GRM4: variants seen among roughly 807,000 people sequenced by gnomAD.
GRM4 encodes metabotropic glutamate receptor 4.
Under a neutral mutation model 81.7 loss-of-function variants are expected in GRM4, and 28 were observed. The observed-to-expected ratio is 0.34, with a 90% CI of 0.25 to 0.47. The LOEUF (loss-of-function observed/expected upper bound fraction) is 0.47, where lower values mean the gene tolerates loss of function less well. Ranked by LOEUF, GRM4 falls within the 20% of genes least tolerant of loss-of-function variation. GRM4 has a pLI of 1.00. For missense variants in GRM4, 948 were observed against 1,290.0 expected (o/e 0.73, Z 4.06); for synonymous variants, 488 against 528.8 (o/e 0.92, Z 1.06).
In GRM4 at chr6:34,048,350, C is replaced by G. The variant is rs1581616223; in HGVS notation, c.1169-7602G>C. ...AGGAGAGTCACACCTGGCGCCTGCA[C>G]AGCCCCGTGCCCAAGAAGGATCAGC... On this transcript the variant is annotated intron_variant, in intron 6 of 10. Coordinates refer to ENST00000538487, the MANE Select transcript of GRM4 (RefSeq NM_000841.4). The surrounding 1 kb of genome is among the most constrained non-coding windows in gnomAD (Gnocchi z 4.0). 6.6e-6 allele frequency among the ~76,000 whole-genome samples: 1 copy of G among 152,090 alleles called. No homozygotes were observed. The highest frequency in any genetic ancestry group is 6.5e-5 in the Admixed American group (1 of 15,268).
intron 3 of GRM4, among the ~76,000 whole-genome samples, chr6:34,071,833 CCA>C (rs1392639205): frequency 4.5e-5 from 5 of 111,954 alleles, no homozygotes; most frequent in Admixed American, 9.4e-5. Flanking sequence ...ACAGACAGCA[CCA>C]CACAGATACA....
rs1763955703 is a variant in GRM4, at chr6:34,022,883, A to G, written c.2690-13T>C. ...TTGGTGGCCAGCGCTGGAAGGAGAG[A>G]GACCAGGGGTACCCAGGAGTCAGGG... On this transcript the variant is annotated splice_polypyrimidine_tract_variant and intron_variant, in intron 10 of 10. Transcript: ENST00000538487. This position sits in a 1 kb window ranked among gnomAD's most constrained non-coding sequence, Gnocchi z 5.6. The G allele has an allele frequency of 1.2e-6, 2 of 1,611,878 alleles. No individual in the cohort carries two copies. Among genetic ancestry groups the G allele is most frequent in the African/African-American group, 1.3e-5 (1 of 74,872 alleles).
At chr6:34,148,353 C>T (rs2127520800), upstream of GRM4, among the ~76,000 whole-genome samples, 1 of 151,936 alleles carries the variant, frequency 6.6e-6, no homozygotes, top group South Asian at 2.1e-4. Flanking sequence ...GCCATGGAGA[C>T]AGACTCAGAG....
chr6:34,108,808 A>G (rs1230677438), intron 2 of GRM4, among the ~76,000 whole-genome samples: 1 of 151,978 alleles, frequency 6.6e-6, no homozygotes, highest in African/African-American at 2.4e-5. Context: ...CTGCCCACCG[A>G]GGTCCCCTGC....
intron 2 of GRM4, among the ~76,000 whole-genome samples, chr6:34,112,794 C>T (rs375413676): frequency 2.7e-4 from 41 of 152,268 alleles, no homozygotes; most frequent in Admixed American, 4.6e-4. Context: ...ACCAAGAATG[C>T]GAGTGGCACA....
At position 34,090,433 on chromosome 6, in the gene GRM4, A is replaced by G. The variant is rs1404268531; in HGVS notation, c.736+1450T>C. On this transcript the variant is annotated intron_variant, in intron 3 of 10. Transcript: ENST00000538487. This position sits in a 1 kb window ranked among gnomAD's most constrained non-coding sequence, Gnocchi z 5.2. Reference sequence around the variant, plus strand: ...GTCTTGGGTCTGAGCAAAGGAGGAAAGGACATGTGGGTGGCCCAAGGGAGG... The same window carrying G: ...GTCTTGGGTCTGAGCAAAGGAGGAAGGGACATGTGGGTGGCCCAAGGGAGG... Among the ~76,000 whole-genome samples, 3 of 152,106 alleles carry G rather than the reference A, an allele frequency of 2.0e-5. No homozygotes were observed. Among genetic ancestry groups the G allele is most frequent in the Non-Finnish European group, 1.5e-5 (1 of 67,996 alleles).
Position 34,114,816 on chromosome 6 carries a change from C to T in GRM4, c.519+18162G>A, listed in dbSNP as rs1769523785. Among the ~76,000 whole-genome samples the T allele has an allele frequency of 6.6e-6, 1 of 152,186 alleles. No homozygotes were observed. On this transcript the variant is annotated intron_variant, in intron 2 of 10. Coordinates refer to ENST00000538487, the MANE Select transcript of GRM4 (RefSeq NM_000841.4). The surrounding 1 kb of genome is among the most constrained non-coding windows in gnomAD (Gnocchi z 4.3). ...GAGCTGTGGCAAATCACATGCCCAT[C>T]ACACCTCCCCATCCAGGAAGGACCC... is the stretch of plus-strand genomic sequence containing the variant.
At chr6:34,088,698 CT>C (rs748414589) in intron 3 of GRM4, among the ~76,000 whole-genome samples, 15 of 152,208 alleles carry the variant, frequency 9.9e-5, no homozygotes, top group Non-Finnish European at 2.1e-4. Flanking sequence ...AGCCACATCA[CT>C]TCTCTAAGGC....
intron 2 of GRM4, among the ~76,000 whole-genome samples, chr6:34,116,529 G>C (rs1561822368): frequency 1.3e-5 from 2 of 152,130 alleles, no homozygotes; most frequent in East Asian, 3.9e-4. Context: ...TTGGAGATGG[G>C]CCTCAAAACA....
intron 3 of GRM4, among the ~76,000 whole-genome samples, chr6:34,084,708 G>C (rs1209624630): frequency 6.6e-6 from 1 of 152,102 alleles, no homozygotes; most frequent in Non-Finnish European, 1.5e-5. Context: ...CCCACCCCAC[G>C]GCCACAGGAG....
At position 34,027,537 on chromosome 6, in the gene GRM4, G is replaced by A. The variant is rs79196169; in HGVS notation, c.2689+583C>T. Among the ~76,000 whole-genome samples, 840 of 152,298 alleles carry A rather than the reference G, an allele frequency of 5.5e-3. 17 individuals are homozygous for A. The highest frequency in any genetic ancestry group is 0.025 in the East Asian group (128 of 5,164). On this transcript the variant is annotated intron_variant, in intron 10 of 10. Coordinates refer to ENST00000538487, the MANE Select transcript of GRM4 (RefSeq NM_000841.4). ...CTGCCTCACCCTGCCCTCACTCACCGGTCCTGGCCGGCCCATGTCCCGGGT... is the reference window on the plus strand; with the variant it reads ...CTGCCTCACCCTGCCCTCACTCACCAGTCCTGGCCGGCCCATGTCCCGGGT...
At position 34,154,627 on chromosome 6, in the gene GRM4, A is replaced by ACACT. The variant is rs960059081; in HGVS notation, c.312+451_312+452insAGTG. 2.8e-5 allele frequency among the ~76,000 whole-genome samples: 4 copies of ACACT among 142,918 alleles called. No individual in the cohort carries two copies. The South Asian group carries it at 6.9e-4, about 25-fold the overall frequency. The allele number at this position is 142,918 out of a possible 152,430, so 93.8% of individuals were successfully genotyped here. A position where few individuals can be genotyped will look rare whatever the true frequency, so the allele number is the denominator to read the frequency against. On this transcript the variant is annotated intron_variant, in intron 1 of 8. Coordinates refer to the GRM4 transcript ENST00000374177. ...CACACACACACACACACACACACACACTCTTAGACTTCAGGAAGCTCGTGG... is the reference window on the plus strand; with the variant it reads ...CACACACACACACACACACACACACACACTCTCTTAGACTTCAGGAAGCTCGTGG...
At chr6:34,145,517 G>T (rs1287928129) in intron 1 of GRM4, among the ~76,000 whole-genome samples, 1 of 152,226 alleles carries the variant, frequency 6.6e-6, no homozygotes, top group Non-Finnish European at 1.5e-5. Context: ...AGGTACGGGC[G>T]CCTGGCGGCG....
At chr6:34,154,888 G>T (rs963676573) in intron 1 of GRM4, among the ~76,000 whole-genome samples, 1 of 152,196 alleles carries the variant, frequency 6.6e-6, no homozygotes, top group African/African-American at 2.4e-5. Flanking sequence ...CGAGCCTAGC[G>T]CCCCACCAGC....
At chr6:34,053,293 G>T (rs1242782945) in intron 6 of GRM4, among the ~76,000 whole-genome samples, 1 of 152,200 alleles carries the variant, frequency 6.6e-6, no homozygotes, top group Non-Finnish European at 1.5e-5. Flanking sequence ...CTCTCTGTGG[G>T]TGTCACTCCA....
rs115885620 is a variant in GRM4 at position 34,026,401 on chromosome 6, C to T, written c.2689+1719G>A. ...CACAGGAGGTGGGGAGAGGGGCTCC[C>T]CACTTCCCTACCATGGAAGCCCCTA... On this transcript the variant is annotated intron_variant, in intron 10 of 10. Transcript: ENST00000538487. Among the ~76,000 whole-genome samples, 739 of 152,152 alleles carry T rather than the reference C, an allele frequency of 4.9e-3. 7 individuals are homozygous for T. Among genetic ancestry groups the T allele is most frequent in the African/African-American group, 0.012 (511 of 41,514 alleles).
chr6:34,149,864 G>A (rs1333298875), upstream of GRM4, among the ~76,000 whole-genome samples: 2 of 152,192 alleles, frequency 1.3e-5, no homozygotes, highest in African/African-American at 4.8e-5. Flanking sequence ...AAAGCCACAA[G>A]TTTGTCCATA....
At position 34,111,939 on chromosome 6, in the gene GRM4, CAAT is replaced by C. The variant is rs1302323608; in HGVS notation, c.520-19843_520-19841del. 1.3e-5 allele frequency among the ~76,000 whole-genome samples: 2 copies of C among 152,088 alleles called. No homozygotes were observed. The highest frequency in any genetic ancestry group is 2.9e-5 in the Non-Finnish European group (2 of 68,022). ...TTGTCCAGATCTTATTGAGGTTTCT[CAAT>C]AAGAAAAGGAGACTTGCCTGGAGAT... On this transcript the variant is annotated intron_variant, in intron 2 of 10. Transcript: ENST00000538487. This position sits in a 1 kb window ranked among gnomAD's most constrained non-coding sequence, Gnocchi z 5.1.
chr6:34,154,701 T>A (rs1290928284), intron 1 of GRM4, among the ~76,000 whole-genome samples: 3 of 151,434 alleles, frequency 2.0e-5, no homozygotes, highest in Non-Finnish European at 4.4e-5. Context: ...GACAGACACG[T>A]GGGGGGGAGT....
Sources: gnomAD v4.1 joint callset for allele counts (sites outside exome capture counted in the v4.1 genomes callset) on GRCh38, gnomAD v4.1.1 for gene constraint, Gnocchi (gnomAD v3.1) non-coding constraint, MANE v1.5 for transcripts, NCBI Gene and HGNC (gene_info 2026-07-23, HGNC 2026-07-21) for gene names.